The following CERS6 variants were observed in gnomAD, a reference collection of about 807,000 sequenced individuals.
CERS6 encodes the protein LAG1 homolog, ceramide synthase 6.
In CERS6, 26 loss-of-function variants were observed where a neutral mutation model predicts 56.8. The observed-to-expected ratio is 0.46, with a 90% CI of 0.34 to 0.63. CERS6 has a LOEUF of 0.63. Ranked by LOEUF, CERS6 falls within the 30% of genes least tolerant of loss-of-function variation. The pLI is 0.01. For missense variants in CERS6, 415 were observed against 467.5 expected, an observed-to-expected ratio of 0.89 and a Z score of 1.04; for synonymous variants, 164 against 173.3, an observed-to-expected ratio of 0.95 and a Z score of 0.42.
intron 2 of CERS6, among the ~76,000 whole-genome samples, chr2:168,551,515 CT>C (rs1420049053): frequency 6.6e-6 from 1 of 152,110 alleles, no homozygotes; most frequent in Non-Finnish European, 1.5e-5. Context: ...GAATAACCGT[CT>C]CACAGGCGTT....
Position 168,456,681 on chromosome 2 carries a change from C to G in CERS6, c.170+63C>G. ...GCACACACACGCGCGCACACACTCG[C>G]GCGCTCTCTGGCGCACGCCCCCGCG... On this transcript the variant is annotated intron_variant, in intron 1 of 9. Coordinates refer to ENST00000305747, the MANE Select transcript of CERS6 (RefSeq NM_203463.3). This position sits in a 1 kb window ranked among gnomAD's most constrained non-coding sequence, Gnocchi z 4.1. 6.6e-7 allele frequency: 1 copy of G among 1,525,630 alleles called. No individual in the cohort carries two copies. Among genetic ancestry groups the G allele is most frequent in the Non-Finnish European group, 8.9e-7 (1 of 1,118,806 alleles). The allele number at this position is 1,525,630 out of a possible 1,614,324, so 94.5% of individuals were successfully genotyped here.
chr2:168,596,554 C>G (rs1247927619), intron 3 of CERS6, among the ~76,000 whole-genome samples: 1 of 134,020 alleles, frequency 7.5e-6, no homozygotes, highest in Admixed American at 7.2e-5. Flanking sequence ...CATCCCCCCC[C>G]CTTTTTTTTT....
chr2:168,720,939 A>G (rs1687348947), intron 8 of CERS6, among the ~76,000 whole-genome samples: 1 of 152,242 alleles, frequency 6.6e-6, no homozygotes, highest in Non-Finnish European at 1.5e-5. Flanking sequence ...GTCATGTACC[A>G]TATAGCTATG....
intron 8 of CERS6, among the ~76,000 whole-genome samples, chr2:168,764,276 G>A (rs1324679283): frequency 6.6e-6 from 1 of 151,998 alleles, no homozygotes; most frequent in South Asian, 2.1e-4. Context: ...CCTAGTAGCT[G>A]GGACTACAGG....
intron 4 of CERS6, among the ~76,000 whole-genome samples, chr2:168,664,365 G>A (rs1685704059): frequency 6.6e-6 from 1 of 152,182 alleles, no homozygotes; most frequent in Non-Finnish European, 1.5e-5. Context: ...GAGTGGCAGG[G>A]CAGTGAACTG....
chr2:168,752,098 T>A (rs1436572818), intron 8 of CERS6, among the ~76,000 whole-genome samples: 1 of 152,140 alleles, frequency 6.6e-6, no homozygotes, highest in Non-Finnish European at 1.5e-5. Flanking sequence ...ATTTTAGATG[T>A]CATTTTTGTG....
chr2:168,714,316 A>G (rs1054701298), intron 6 of CERS6, among the ~76,000 whole-genome samples: 2 of 152,242 alleles, frequency 1.3e-5, no homozygotes, highest in Non-Finnish European at 2.9e-5. Context: ...AAACCTTGCT[A>G]TGTGGCTTAT....
intron 1 of CERS6, among the ~76,000 whole-genome samples, chr2:168,468,401 A>G (rs1454504722): frequency 6.6e-6 from 1 of 152,178 alleles, no homozygotes; most frequent in African/African-American, 2.4e-5. Flanking sequence ...TGGCATTTAT[A>G]TTGACTTAAG....
chr2:168,533,867 G>T (rs1216497752), intron 1 of CERS6, among the ~76,000 whole-genome samples: 1 of 151,856 alleles, frequency 6.6e-6, no homozygotes, highest in Non-Finnish European at 1.5e-5. Context: ...TCAATCATTG[G>T]TTCGGTCTTT....
intron 4 of CERS6, among the ~76,000 whole-genome samples, chr2:168,659,376 C>T (rs1487746612): frequency 6.6e-6 from 1 of 152,202 alleles, no homozygotes; most frequent in Non-Finnish European, 1.5e-5. Flanking sequence ...AGATTTTTCT[C>T]TCTAGAAATC....
At chr2:168,557,102 C>A (rs1695695840) in intron 2 of CERS6, among the ~76,000 whole-genome samples, 1 of 151,560 alleles carries the variant, frequency 6.6e-6, no homozygotes, top group African/African-American at 2.4e-5. Flanking sequence ...GAGATCCTGG[C>A]TGCAGTGAGC....
chr2:168,726,427 C>T (rs910571263), intron 8 of CERS6, among the ~76,000 whole-genome samples: 3 of 152,178 alleles, frequency 2.0e-5, no homozygotes, highest in Admixed American at 6.5e-5. Flanking sequence ...TTGCCTCTGT[C>T]GTTCTGCCCC....
At position 168,628,118 on chromosome 2, in the gene CERS6, T is replaced by C. The variant is rs369204219; in HGVS notation, c.408-2867T>C. On this transcript the variant is annotated intron_variant, in intron 3 of 9. Coordinates refer to ENST00000305747, the MANE Select transcript of CERS6 (RefSeq NM_203463.3). Reference sequence around the variant, plus strand: ...CAATGCCTAAAACTTTCCTAAAAATTACTAATGATTCCTCTAGGAAGTCAT... The same window carrying C: ...CAATGCCTAAAACTTTCCTAAAAATCACTAATGATTCCTCTAGGAAGTCAT... 3.2e-4 allele frequency among the ~76,000 whole-genome samples: 49 copies of C among 152,320 alleles called. 1 individual carries two copies. The South Asian group carries it at 1.0e-2, about 31-fold the overall frequency.
chr2:168,648,296 G>C (rs963772218), intron 4 of CERS6, among the ~76,000 whole-genome samples: 1 of 152,054 alleles, frequency 6.6e-6, no homozygotes, highest in Non-Finnish European at 1.5e-5. Context: ...TGGTTTTCTA[G>C]TTTGTGTGCG....
Position 168,704,527 on chromosome 2 carries a change from C to A in CERS6, c.609+9476C>A, listed in dbSNP as rs991361236. Among the ~76,000 whole-genome samples, 60 of 152,174 alleles carry A rather than the reference C, an allele frequency of 3.9e-4. 1 individual carries two copies. The highest frequency in any genetic ancestry group is 5.6e-4 in the Non-Finnish European group (38 of 68,022). ...TTCCATCCCCATAAATATAAACAAA[C>A]CCGTTCATCTGTCCTTCCCTTTGGC... On this transcript the variant is annotated intron_variant, in intron 6 of 9. Transcript: ENST00000305747.
Position 168,661,790 on chromosome 2 carries a change from C to T in CERS6, c.466-29244C>T, listed in dbSNP as rs1305797659. 8.5e-5 allele frequency among the ~76,000 whole-genome samples: 13 copies of T among 152,320 alleles called. No homozygotes were observed. The East Asian group carries it at 2.5e-3, about 29-fold the overall frequency. On this transcript the variant is annotated intron_variant, in intron 4 of 9. Coordinates refer to ENST00000305747, the MANE Select transcript of CERS6 (RefSeq NM_203463.3). The stretch of plus-strand genomic sequence containing the variant: ...ACAGAAGCATTAAAGCTGCCTGGCT[C>T]CCGGGCTCCCCACTGGGATGCAGTG...
At chr2:168,612,449 G>T (rs1412966452) in intron 3 of CERS6, among the ~76,000 whole-genome samples, 7 of 152,254 alleles carry the variant, frequency 4.6e-5, no homozygotes, top group Admixed American at 4.6e-4. Context: ...ATCATGAAAG[G>T]TTGAGATGGA....
intron 1 of CERS6, among the ~76,000 whole-genome samples, chr2:168,514,327 A>G (rs1022278185): frequency 2.0e-5 from 3 of 152,196 alleles, no homozygotes; most frequent in Admixed American, 6.5e-5. Flanking sequence ...TGTTCCTTCT[A>G]CATTGCTGTC....
intron 3 of CERS6, among the ~76,000 whole-genome samples, chr2:168,605,427 A>G (rs1351695096): frequency 1.3e-5 from 2 of 152,246 alleles, no homozygotes; most frequent in Non-Finnish European, 2.9e-5. Context: ...AGCAGAGCAT[A>G]AGAGTTTGGA....
Sources: gnomAD v4.1 joint callset for allele counts (sites outside exome capture counted in the v4.1 genomes callset) on GRCh38, gnomAD v4.1.1 for gene constraint, Gnocchi (gnomAD v3.1) non-coding constraint, MANE v1.5 for transcripts, NCBI Gene and HGNC (gene_info 2026-07-23, HGNC 2026-07-21) for gene names.